The following MYO5B variants were observed in gnomAD, a reference collection of about 807,000 sequenced individuals.
MYO5B encodes the protein unconventional myosin-Vb.
MYO5B carries 143 observed loss-of-function variants against 229.3 expected under a neutral mutation model. The observed-to-expected ratio is 0.62, with a 90% confidence interval of 0.54 to 0.72. The LOEUF (loss-of-function observed/expected upper bound fraction) is 0.72, where lower values mean the gene tolerates loss of function less well. Among genes scored for constraint, MYO5B ranks in the 30% least tolerant of loss-of-function variants. The probability of loss-of-function intolerance (pLI) is 0.00; values close to 1 mark genes in which losing one functional copy is unlikely to be tolerated. For synonymous variants in MYO5B, 918 were observed against 885.2 expected (o/e 1.04, Z -0.66); for missense variants, 2,321 against 2,331.0 (o/e 1.00, Z 0.09).
At chr18:50,044,648 C>G (rs1168914638) in intron 2 of MYO5B, among the ~76,000 whole-genome samples, 2 of 152,032 alleles carry the variant, frequency 1.3e-5, no homozygotes, top group Non-Finnish European at 2.9e-5. Context: ...AGCAGGGTAG[C>G]CCCGAGCCCC....
chr18:50,028,320 A>T (rs2026352934), intron 4 of MYO5B, among the ~76,000 whole-genome samples: 1 of 152,226 alleles, frequency 6.6e-6, no homozygotes, highest in South Asian at 2.1e-4. Flanking sequence ...TGCCAAAAAT[A>T]AATGCATTTT....
chr18:50,042,280 A>G (rs553116003), intron 2 of MYO5B, among the ~76,000 whole-genome samples: 164 of 152,286 alleles, frequency 1.1e-3, no homozygotes, highest in Non-Finnish European at 2.1e-3. Flanking sequence ...TCAGGCAGCT[A>G]CCTACAGCAT....
chr18:49,850,075 C>CAAGT, intron 31 of MYO5B: 1 of 310,642 alleles, frequency 3.2e-6, no homozygotes, highest in Non-Finnish European at 6.3e-6. Flanking sequence ...GTTGGAAGAG[C>CAAGT]AAGTGGGCAA....
chr18:50,008,184 G>C (rs1480865038), intron 4 of MYO5B, among the ~76,000 whole-genome samples: 1 of 152,112 alleles, frequency 6.6e-6, no homozygotes, highest in Non-Finnish European at 1.5e-5. Context: ...GTGCTGGCTG[G>C]CTTGACATCA....
Position 50,107,139 on chromosome 18 carries a change from T to G in MYO5B, c.28-51761A>C, listed in dbSNP as rs975836533. Among the ~76,000 whole-genome samples, 290 of 112,530 alleles carry G rather than the reference T, an allele frequency of 2.6e-3. 1 individual carries two copies. The highest frequency in any genetic ancestry group is 0.011 in the African/African-American group (277 of 25,768). The allele number at this position is 112,530 out of a possible 152,430, so 73.8% of individuals were successfully genotyped here. A position where few individuals can be genotyped will look rare whatever the true frequency, so the allele number is the denominator to read the frequency against. ...TTTTTTTTTTTTTTTTTTTTTTTTT[T>G]GAGACAGTCTCCCTCTGTCACCCAG... On this transcript the variant is annotated intron_variant, in intron 1 of 39. Transcript: ENST00000285039.
intron 4 of MYO5B, among the ~76,000 whole-genome samples, chr18:50,028,229 A>T (rs539273715): frequency 2.3e-4 from 35 of 152,270 alleles, no homozygotes; most frequent in Admixed American, 7.2e-4. Flanking sequence ...ACAGTTCTTG[A>T]GTGTGCATGT....
chr18:49,849,816 A>T, intron 31 of MYO5B, 156 bp from the exon 32 acceptor site: 1 of 712,774 alleles, frequency 1.4e-6, no homozygotes, highest in Non-Finnish European at 2.6e-6. Context: ...TGCTCTTCAC[A>T]GGCTGTTGCC....
In MYO5B at chr18:50,093,425, G is replaced by A. The variant is rs566913905; in HGVS notation, c.28-38047C>T. Among the ~76,000 whole-genome samples, 92 of 152,312 alleles carry A rather than the reference G, an allele frequency of 6.0e-4. 1 individual carries two copies. Among genetic ancestry groups the A allele is most frequent in the South Asian group, 3.9e-3 (19 of 4,824 alleles). On this transcript the variant is annotated intron_variant, in intron 1 of 39. Coordinates refer to ENST00000285039, the MANE Select transcript of MYO5B (RefSeq NM_001080467.3). The stretch of plus-strand genomic sequence containing the variant: ...AAATAATATGGATGTTAACTGTAGT[G>A]TTGTTACAAGGGCAAAAATTGAAAA...
At chr18:50,164,887 G>A (rs897246951) in intron 1 of MYO5B, among the ~76,000 whole-genome samples, 1 of 152,228 alleles carries the variant, frequency 6.6e-6, no homozygotes, top group Non-Finnish European at 1.5e-5. Context: ...CTGAAGTTGA[G>A]TTAAGAAATC....
intron 27 of MYO5B, 71 bp downstream of exon 27, chr18:49,872,096 T>C (rs2144093791): frequency 6.9e-7 from 1 of 1,456,604 alleles, no homozygotes; most frequent in African/African-American, 1.4e-5. Flanking sequence ...CCTGATTTCC[T>C]GATGCCCAGA....
intron 21 of MYO5B, among the ~76,000 whole-genome samples, chr18:49,901,506 A>G (rs1336972409): frequency 1.3e-5 from 2 of 152,236 alleles, no homozygotes; most frequent in African/African-American, 2.4e-5. Flanking sequence ...AAAGCTTAAA[A>G]ATAAGAGTGC....
chr18:50,008,799 G>C (rs1278432324), intron 4 of MYO5B, among the ~76,000 whole-genome samples: 1 of 152,146 alleles, frequency 6.6e-6, no homozygotes, highest in Admixed American at 6.5e-5. Flanking sequence ...AGATTTAGGT[G>C]TGTCAACAGA....
At chr18:50,134,757 G>A (rs954769312) in intron 1 of MYO5B, among the ~76,000 whole-genome samples, 6 of 151,998 alleles carry the variant, frequency 3.9e-5, no homozygotes, top group Non-Finnish European at 7.4e-5. Flanking sequence ...GATTGCTCAC[G>A]AGGCACTTCA....
intron 1 of MYO5B, among the ~76,000 whole-genome samples, chr18:50,086,281 T>C (rs963481801): frequency 6.6e-6 from 1 of 152,174 alleles, no homozygotes; most frequent in African/African-American, 2.4e-5. Flanking sequence ...GCCATTATCT[T>C]GACAGTGGAG....
chr18:50,166,602 G>C (rs1599072291), intron 1 of MYO5B, among the ~76,000 whole-genome samples: 1 of 152,198 alleles, frequency 6.6e-6, no homozygotes, highest in East Asian at 1.9e-4. Context: ...CATTGAAAAA[G>C]TAAAATTTAA....
chr18:50,012,790 C>T (rs147570765), intron 4 of MYO5B, among the ~76,000 whole-genome samples: 1 of 152,340 alleles, frequency 6.6e-6, no homozygotes, highest in African/African-American at 2.4e-5. Context: ...TTGTTGAAAG[C>T]CATGCTGTAA....
rs541876787 is a variant in MYO5B, at chr18:50,165,921, C to CA, written c.27+28845dup. Among the ~76,000 whole-genome samples, 27 of 152,210 alleles carry CA rather than the reference C, an allele frequency of 1.8e-4. 1 individual carries two copies. The South Asian group carries it at 4.4e-3, about 25-fold the overall frequency. ...ATTCACTCAGTATCAAGATTTGTGT[C>CA]AAAAAAGGTATTAGAGAGTTCTAGT... On this transcript the variant is annotated intron_variant, in intron 1 of 39. Coordinates refer to ENST00000285039, the MANE Select transcript of MYO5B (RefSeq NM_001080467.3).
chr18:49,851,892 T>C (rs146270847), intron 31 of MYO5B, among the ~76,000 whole-genome samples: 30 of 152,322 alleles, frequency 2.0e-4, no homozygotes, highest in Middle Eastern at 6.8e-3. Flanking sequence ...TGGAACCTGC[T>C]GCAGCTGGCT....
intron 1 of MYO5B, among the ~76,000 whole-genome samples, chr18:50,135,669 G>T (rs1354692407): frequency 1.3e-5 from 2 of 152,222 alleles, no homozygotes; most frequent in Non-Finnish European, 2.9e-5. Flanking sequence ...TTACTTAAAT[G>T]AAGTGGGATT....
Sources: allele counts gnomAD v4.1 joint callset (sites outside exome capture counted in the v4.1 genomes callset), GRCh38; gene constraint gnomAD v4.1.1; transcripts MANE v1.5; gene names NCBI Gene and HGNC (gene_info 2026-07-23, HGNC 2026-07-21).